PTPRM: variants seen among roughly 807,000 people sequenced by gnomAD.
PTPRM encodes receptor-type tyrosine-protein phosphatase mu.
A neutral mutation model predicts 186.7 loss-of-function variants in PTPRM; 47 were observed. That is an observed-to-expected ratio of 0.25 (90% confidence interval 0.20 to 0.32). The LOEUF (loss-of-function observed/expected upper bound fraction) is 0.32, where lower values mean the gene tolerates loss of function less well. Among genes scored for constraint, PTPRM ranks in the 10% least tolerant of loss-of-function variants. The pLI is 1.00. For missense variants in PTPRM, 1,494 were observed against 1,865.0 expected (o/e 0.80, Z 3.66); for synonymous variants, 668 against 674.9 (o/e 0.99, Z 0.16).
intron 1 of PTPRM, among the ~76,000 whole-genome samples, chr18:7,685,014 T>C (rs2039567249): frequency 6.6e-6 from 1 of 152,242 alleles, no homozygotes; most frequent in African/African-American, 2.4e-5. Flanking sequence ...TAAGGCCAAC[T>C]GTGCCATCTA....
chr18:7,611,835 G>C (rs1262654704), intron 1 of PTPRM, among the ~76,000 whole-genome samples: 2 of 152,142 alleles, frequency 1.3e-5, no homozygotes, highest in East Asian at 3.9e-4. Flanking sequence ...ATGATTGTGA[G>C]ACTTCCCCAA....
intron 19 of PTPRM, among the ~76,000 whole-genome samples, chr18:8,292,454 T>C (rs1371576874): frequency 6.6e-6 from 1 of 152,212 alleles, no homozygotes; most frequent in African/African-American, 2.4e-5. Flanking sequence ...ATAATCCAAA[T>C]GTATCCATGG....
At chr18:8,283,044 G>A (rs866676648) in intron 19 of PTPRM, among the ~76,000 whole-genome samples, 1 of 152,110 alleles carries the variant, frequency 6.6e-6, no homozygotes, top group Non-Finnish European at 1.5e-5. Context: ...ATGAACAGTA[G>A]ACTAGTGGAT....
chr18:8,216,928 G>T (rs953425155), intron 14 of PTPRM, among the ~76,000 whole-genome samples: 5 of 152,212 alleles, frequency 3.3e-5, no homozygotes, highest in African/African-American at 1.2e-4. Context: ...GAGGGTTTTT[G>T]CATATATGCT....
chr18:7,786,281 C>T lies in PTPRM; in HGVS notation c.196+12010C>T, dbSNP rs2043093196. ...GGACAAATTGAAACAACTGATTATG[C>T]AGCATTAGTAAGTGTCTAATTGGAT... On this transcript the variant is annotated intron_variant, in intron 2 of 32. Transcript: ENST00000580170. Among the ~76,000 whole-genome samples the T allele has an allele frequency of 2.0e-5, 3 of 152,118 alleles. No homozygotes were observed. The South Asian group carries it at 6.2e-4, about 32-fold the overall frequency.
At chr18:8,228,693 A>T (rs549560503) in intron 14 of PTPRM, among the ~76,000 whole-genome samples, 5 of 150,990 alleles carry the variant, frequency 3.3e-5, no homozygotes, top group East Asian at 2.0e-4. Flanking sequence ...AAAAAAAAAA[A>T]AATACAAAAA....
chr18:7,884,953 G>GAAAAAAAAAAAAAAAAAAAA (rs2048708561), intron 2 of PTPRM, among the ~76,000 whole-genome samples: 5 of 110,468 alleles, frequency 4.5e-5, no homozygotes, highest in Non-Finnish European at 5.9e-5. Flanking sequence ...AAAAAAAAAG[G>GAAAAAAAAAAAAAAAAAAAA]AGAGAGAGAA....
intron 1 of PTPRM, among the ~76,000 whole-genome samples, chr18:7,604,056 A>C (rs1392208137): frequency 6.6e-6 from 1 of 152,232 alleles, no homozygotes; most frequent in African/African-American, 2.4e-5. Context: ...TCACACAAGA[A>C]ATGATTTTCA....
At chr18:7,918,523 G>A (rs972232651) in intron 4 of PTPRM, among the ~76,000 whole-genome samples, 1 of 152,034 alleles carries the variant, frequency 6.6e-6, no homozygotes, top group Non-Finnish European at 1.5e-5. Flanking sequence ...GTACCTGTTG[G>A]CAATTTTCAT....
At chr18:7,829,789 C>T (rs1389500165) in intron 2 of PTPRM, among the ~76,000 whole-genome samples, 1 of 152,150 alleles carries the variant, frequency 6.6e-6, no homozygotes, top group Non-Finnish European at 1.5e-5. Flanking sequence ...GATTTCCTAA[C>T]CAGAGTCCTC....
chr18:8,311,489 A>G (rs1394877599), intron 20 of PTPRM, among the ~76,000 whole-genome samples: 1 of 152,136 alleles, frequency 6.6e-6, no homozygotes, highest in Non-Finnish European at 1.5e-5. Context: ...TGTGCTGTGA[A>G]TGGAGTCTTT....
At chr18:8,046,886 C>G (rs1017018500) in intron 7 of PTPRM, among the ~76,000 whole-genome samples, 1 of 152,132 alleles carries the variant, frequency 6.6e-6, no homozygotes, top group Non-Finnish European at 1.5e-5. Flanking sequence ...CACCACCTCC[C>G]CACACTTGCT....
At chr18:8,259,466 T>G (rs539672686) in intron 19 of PTPRM, among the ~76,000 whole-genome samples, 18 of 152,322 alleles carry the variant, frequency 1.2e-4, no homozygotes, top group African/African-American at 3.8e-4. Flanking sequence ...TTTAGGTCTT[T>G]TTTAAACATA....
intron 14 of PTPRM, among the ~76,000 whole-genome samples, chr18:8,177,573 ACTC>A (rs1307417504): frequency 4.6e-5 from 7 of 152,138 alleles, no homozygotes; most frequent in Admixed American, 1.3e-4. Flanking sequence ...ACAAAAGTAT[ACTC>A]CTCTTAGCAG....
intron 7 of PTPRM, among the ~76,000 whole-genome samples, chr18:8,010,545 A>G (rs896380116): frequency 1.3e-5 from 2 of 152,238 alleles, no homozygotes; most frequent in African/African-American, 4.8e-5. Context: ...TGTTGAAAAC[A>G]GCAAGAATTG....
chr18:7,764,402 G>C (rs1404647423), intron 1 of PTPRM, among the ~76,000 whole-genome samples: 1 of 152,114 alleles, frequency 6.6e-6, no homozygotes, highest in Non-Finnish European at 1.5e-5. Flanking sequence ...TTTTAAGAAA[G>C]GATGTCTTCT....
At chr18:7,640,905 C>T (rs1057100841) in intron 1 of PTPRM, among the ~76,000 whole-genome samples, 1 of 152,062 alleles carries the variant, frequency 6.6e-6, no homozygotes, top group Non-Finnish European at 1.5e-5. Flanking sequence ...CCAATAGAGC[C>T]TTTGGCTACA....
At chr18:7,596,282 G>A (rs553132910) in intron 1 of PTPRM, among the ~76,000 whole-genome samples, 1 of 152,226 alleles carries the variant, frequency 6.6e-6, no homozygotes, top group East Asian at 1.9e-4. Flanking sequence ...ATAGGGAGGA[G>A]TCATGTCCTG....
rs2084813606 is a variant in PTPRM at position 8,015,660 on chromosome 18, A to AATGGT, written c.1133-54025_1133-54021dup. ...ACCTTTCCAAGGGATCTGTGACAAG[A>AATGGT]ATGGTTAAATACTGAAGTGTTGAAG... On this transcript the variant is annotated intron_variant, in intron 7 of 32. Coordinates refer to ENST00000580170, the MANE Select transcript of PTPRM (RefSeq NM_001105244.2). Among the ~76,000 whole-genome samples, 4 of 152,206 alleles carry AATGGT rather than the reference A, an allele frequency of 2.6e-5. No homozygotes were observed. In the South Asian group the frequency reaches 8.3e-4, roughly 32 times the overall value.
Sources: allele counts gnomAD v4.1 joint callset (sites outside exome capture counted in the v4.1 genomes callset), GRCh38; gene constraint gnomAD v4.1.1; transcripts MANE v1.5; gene names NCBI Gene and HGNC (gene_info 2026-07-23, HGNC 2026-07-21).